PRMT7: variants seen among roughly 807,000 people sequenced by gnomAD.
PRMT7 encodes the protein protein arginine methyltransferase 7.
PRMT7 carries 75 observed loss-of-function variants against 85.4 expected under a neutral mutation model. The ratio of observed to expected loss-of-function variants is 0.88; its 90% CI spans 0.73 to 1.06. The LOEUF (loss-of-function observed/expected upper bound fraction) is 1.06, where lower values mean the gene tolerates loss of function less well. Among genes scored for constraint, PRMT7 ranks in the 50% least tolerant of loss-of-function variants. The pLI, the probability that PRMT7 is intolerant of heterozygous loss-of-function variation, is 0.00. For missense variants in PRMT7, 868 were observed against 915.2 expected (o/e 0.95, Z 0.67); for synonymous variants, 397 against 359.5 (o/e 1.10, Z -1.18).
At chr16:68,356,928 T>C in intron 18 of PRMT7, 126 bp from the exon 19 acceptor site, 1 of 1,367,560 alleles carries the variant, frequency 7.3e-7, no homozygotes. Context: ...GACCCCTCAG[T>C]GGTCCTGGGC....
chr16:68,357,874 C>T lies in PRMT7; in HGVS notation c.*650C>T, dbSNP rs528743176. Reference sequence around the variant, plus strand: ...ACAAGGCAGCTGTCCCAGAGCAGTTCCTGAGATGCAGGCCCAGGAAAGTGG... The same window carrying T: ...ACAAGGCAGCTGTCCCAGAGCAGTTTCTGAGATGCAGGCCCAGGAAAGTGG... On this transcript the variant is annotated 3_prime_UTR_variant, in exon 19 of 19. Transcript: ENST00000441236. 1.3e-3 allele frequency: 197 copies of T among 152,490 alleles called. No homozygotes were observed. Among genetic ancestry groups the T allele is most frequent in the Middle Eastern group, 3.4e-3 (1 of 296 alleles). 9.4% of individuals were successfully genotyped at this position (152,490 alleles called of 1,614,324 possible). A position where few individuals can be genotyped will look rare whatever the true frequency, so the allele number is the denominator to read the frequency against.
intron 9 of PRMT7, among the ~76,000 whole-genome samples, chr16:68,342,994 C>T (rs2085761606): frequency 6.6e-6 from 1 of 152,180 alleles, no homozygotes; most frequent in Non-Finnish European, 1.5e-5. Flanking sequence ...CACCTGAGGT[C>T]AGGAGTTCAA....
chr16:68,336,381 G>A (rs187257300), intron 6 of PRMT7, among the ~76,000 whole-genome samples: 9 of 147,686 alleles, frequency 6.1e-5, no homozygotes, highest in Non-Finnish European at 1.4e-4. Flanking sequence ...TTAAGAGATT[G>A]TTTGGTGACA....
At chr16:68,330,767 G>T (rs1478219931) in intron 6 of PRMT7, among the ~76,000 whole-genome samples, 1 of 151,904 alleles carries the variant, frequency 6.6e-6, no homozygotes, top group Admixed American at 6.6e-5. Flanking sequence ...GCTAATTTTT[G>T]TATTTTTAGT....
At chr16:68,354,436 G>C (rs764716471) in intron 16 of PRMT7, 1 of 152,282 alleles carries the variant, frequency 6.6e-6, no homozygotes, top group Non-Finnish European at 1.5e-5. Flanking sequence ...CCCCGCAGCA[G>C]CAGCTATGCA....
At chr16:68,318,741 C>T (rs1000578104) in intron 3 of PRMT7, 3 of 152,092 alleles carry the variant, frequency 2.0e-5, no homozygotes, top group Admixed American at 1.3e-4. Context: ...ACCTGTTGGC[C>T]AGGCTGGTCT....
chr16:68,311,987 G>T (rs1164944658), intron 1 of PRMT7, 55 bp from the exon 2 acceptor site: 1 of 152,000 alleles, frequency 6.6e-6, no homozygotes, highest in Non-Finnish European at 1.5e-5. Context: ...CTAATATAGT[G>T]CCTGGCACAT....
intron 6 of PRMT7, among the ~76,000 whole-genome samples, chr16:68,335,884 C>G (rs2084613237): frequency 6.6e-6 from 1 of 150,874 alleles, no homozygotes; most frequent in Non-Finnish European, 1.5e-5. Context: ...TTAAGTGATT[C>G]TCCTGCCTCA....
At chr16:68,333,047 A>G (rs1290334921) in intron 6 of PRMT7, among the ~76,000 whole-genome samples, 1 of 152,084 alleles carries the variant, frequency 6.6e-6, no homozygotes, top group Admixed American at 6.6e-5. Flanking sequence ...AGGCTGGAGT[A>G]CAGTGATGCG....
intron 3 of PRMT7, among the ~76,000 whole-genome samples, chr16:68,317,831 CAA>C (rs768230709): frequency 1.2e-5 from 1 of 83,512 alleles, no homozygotes; most frequent in Non-Finnish European, 2.2e-5. Flanking sequence ...AACTCTGTCT[CAA>C]AAAAAAAAAA....
intron 16 of PRMT7, chr16:68,354,754 G>A (rs1009009999): frequency 1.3e-5 from 2 of 152,568 alleles, no homozygotes; most frequent in African/African-American, 4.8e-5. Context: ...CTCTGGTCCT[G>A]GGCCAGTGTC....
chr16:68,353,911 T>A (rs958485476), intron 16 of PRMT7, among the ~76,000 whole-genome samples: 4 of 152,112 alleles, frequency 2.6e-5, no homozygotes, highest in Non-Finnish European at 5.9e-5. Flanking sequence ...CCGGGAGGGG[T>A]ACCTGAGGAG....
intron 15 of PRMT7, 91 bp from the exon 16 acceptor site, chr16:68,353,401 A>C: frequency 6.3e-7 from 1 of 1,590,942 alleles, no homozygotes; most frequent in African/African-American, 1.3e-5. Context: ...TCAGGTGTGC[A>C]GGGAACAGCA....
At chr16:68,316,128 GCAGA>G in intron 3 of PRMT7, 54 bp downstream of exon 3, 2 of 1,469,348 alleles carry the variant, frequency 1.4e-6, no homozygotes, top group Non-Finnish European at 1.9e-6. Flanking sequence ...TGATCTCAAA[GCAGA>G]TGCCTTGGGC....
At chr16:68,339,117 G>C (rs2085137567) in intron 7 of PRMT7, among the ~76,000 whole-genome samples, 1 of 152,198 alleles carries the variant, frequency 6.6e-6, no homozygotes, top group African/African-American at 2.4e-5. Context: ...TAGGCACAGT[G>C]TGTGTTCTTT....
At chr16:68,353,723 C>A (rs1410852510) in intron 16 of PRMT7, among the ~76,000 whole-genome samples, 157 bp downstream of exon 16, 1 of 152,196 alleles carries the variant, frequency 6.6e-6, no homozygotes, top group African/African-American at 2.4e-5. Flanking sequence ...TGCTTGGTAC[C>A]AGCCCTGTTC....
rs746429506 is a variant in PRMT7, at chr16:68,324,761, A to T, written c.211A>T (p.Ile71Phe). The change falls in exon 5 of 19, where the codon ATT (isoleucine) becomes TTT (phenylalanine). Residue 71 changes from isoleucine to phenylalanine, a missense_variant. Physicochemically the swap from Ile to Phe is conservative, Grantham distance 21. Coordinates refer to ENST00000441236, the MANE Select transcript of PRMT7 (RefSeq NM_019023.5). ...AGGACAGAAGGCCTTGGTTCTCGAC[A>T]TTGGCACTGGCACGGGACTCTTGTC... The part of the protein sequence containing the change: ...DRGQKALVLD[I>F]GTGTGLLSMM... 1 of 1,613,928 alleles carries T rather than the reference A, an allele frequency of 6.2e-7. No individual in the cohort carries two copies. The highest frequency in any genetic ancestry group is 1.7e-5 in the Admixed American group (1 of 59,900).
At chr16:68,326,833 G>A (rs2083179371) in intron 5 of PRMT7, among the ~76,000 whole-genome samples, 1 of 152,136 alleles carries the variant, frequency 6.6e-6, no homozygotes, top group South Asian at 2.1e-4. Context: ...GCTTCTTGAT[G>A]GGCTGAGGAG....
chr16:68,317,237 CAA>C (rs35849810), intron 3 of PRMT7, among the ~76,000 whole-genome samples: 1 of 104,138 alleles, frequency 9.6e-6, no homozygotes, highest in Admixed American at 1.1e-4. Flanking sequence ...GACTCTGTCT[CAA>C]AAAAAAAAAA....
Sources: allele counts gnomAD v4.1 joint callset (sites outside exome capture counted in the v4.1 genomes callset), GRCh38; gene constraint gnomAD v4.1.1; transcripts MANE v1.5; gene names NCBI Gene and HGNC (gene_info 2026-07-23, HGNC 2026-07-21).